AFF3: variants seen among roughly 807,000 people sequenced by gnomAD.
AFF3 encodes the protein AF4/FMR2 family member 3.
AFF3 carries 32 observed loss-of-function variants against 129.7 expected under a neutral mutation model. That is an observed-to-expected ratio of 0.25 (90% CI 0.19 to 0.33). The LOEUF (loss-of-function observed/expected upper bound fraction) is 0.33. Ranked by LOEUF, AFF3 falls within the 10% of genes least tolerant of loss-of-function variation. The probability of loss-of-function intolerance (pLI) is 1.00; values close to 1 mark genes in which losing one functional copy is unlikely to be tolerated. For missense variants in AFF3, 1,373 were observed against 1,592.0 expected (o/e 0.86, Z 2.34); for synonymous variants, 644 against 635.4 (o/e 1.01, Z -0.20).
intron 13 of AFF3, among the ~76,000 whole-genome samples, chr2:99,649,001 A>G (rs1365747656): frequency 2.6e-5 from 4 of 151,928 alleles, no homozygotes; most frequent in African/African-American, 9.7e-5. Flanking sequence ...GGTCTGGTCT[A>G]TTCTAGAAAG....
chr2:100,073,152 C>CATT (rs966006681), intron 4 of AFF3, among the ~76,000 whole-genome samples: 2 of 152,172 alleles, frequency 1.3e-5, no homozygotes, highest in Admixed American at 1.3e-4. Flanking sequence ...TGCTGACATC[C>CATT]TAATCTCCAA....
intron 7 of AFF3, among the ~76,000 whole-genome samples, chr2:99,955,992 T>C (rs555108830): frequency 3.9e-5 from 6 of 152,094 alleles, no homozygotes; most frequent in Non-Finnish European, 7.4e-5. Context: ...AAAATGAACA[T>C]GACTTTAGTA....
chr2:99,582,384 G>GC (rs1677657303), intron 17 of AFF3, among the ~76,000 whole-genome samples: 1 of 152,086 alleles, frequency 6.6e-6, no homozygotes, highest in South Asian at 2.1e-4. Flanking sequence ...TGCGACACTG[G>GC]CCAATAAGGG....
chr2:99,727,248 C>A, intron 10 of AFF3, 120 bp from the exon 11 acceptor site: 2 of 992,158 alleles, frequency 2.0e-6, no homozygotes, highest in Non-Finnish European at 2.9e-6. Flanking sequence ...TAGCAGGAGG[C>A]TTTTAAAACA....
chr2:99,766,703 G>A (rs1683051870), intron 8 of AFF3, among the ~76,000 whole-genome samples: 1 of 152,172 alleles, frequency 6.6e-6, no homozygotes, highest in Non-Finnish European at 1.5e-5. Context: ...GCTTTTATTT[G>A]AAGAAAATAG....
Position 99,849,773 on chromosome 2 carries a change from T to C in AFF3, c.874-12249A>G, listed in dbSNP as rs574928613. Among the ~76,000 whole-genome samples the C allele has an allele frequency of 3.3e-5, 5 of 152,354 alleles. No homozygotes were observed. The South Asian group carries it at 1.0e-3, about 32-fold the overall frequency. ...ACCATTCTCCTCTGGTTTTTAAATATAATGTGTTTAGATTTCTGCAAGATT... is the reference window on the plus strand; with the variant it reads ...ACCATTCTCCTCTGGTTTTTAAATACAATGTGTTTAGATTTCTGCAAGATT... On this transcript the variant is annotated intron_variant, in intron 7 of 24. Transcript: ENST00000672756.
At chr2:99,996,602 G>T (rs373235183) in intron 7 of AFF3, among the ~76,000 whole-genome samples, 1 of 143,750 alleles carries the variant, frequency 7.0e-6, no homozygotes, top group African/African-American at 2.6e-5. Context: ...GGATGGTCTC[G>T]ATCTCCTGAC....
Position 99,947,641 on chromosome 2 carries a change from T to TAGAC in AFF3, c.873+58990_873+58991insGTCT, listed in dbSNP as rs1205022820. On this transcript the variant is annotated intron_variant, in intron 7 of 24. Transcript: ENST00000672756. ...ATAGATAGATAGATAGATAGATAGA[T>TAGAC]AGATAGATAGATAGACAGACAGACA... Among the ~76,000 whole-genome samples the TAGAC allele has an allele frequency of 2.4e-3, 339 of 142,738 alleles. 2 individuals are homozygous for TAGAC. Among genetic ancestry groups the TAGAC allele is most frequent in the Non-Finnish European group, 2.6e-3 (169 of 65,288 alleles). 93.6% of individuals were successfully genotyped at this position (142,738 alleles called of 152,430 possible). A position where few individuals can be genotyped will look rare whatever the true frequency, so the allele number is the denominator to read the frequency against.
chr2:99,742,511 G>A (rs1228301701), intron 10 of AFF3, among the ~76,000 whole-genome samples: 1 of 152,150 alleles, frequency 6.6e-6, no homozygotes, highest in Non-Finnish European at 1.5e-5. Context: ...AAATTGCAGT[G>A]AATATTATAG....
At position 99,984,440 on chromosome 2, in the gene AFF3, T is replaced by C. The variant is rs115524276; in HGVS notation, c.873+22192A>G. Among the ~76,000 whole-genome samples, 1,189 of 152,290 alleles carry C rather than the reference T, an allele frequency of 7.8e-3. 17 individuals are homozygous for C. The highest frequency in any genetic ancestry group is 0.027 in the African/African-American group (1,141 of 41,558). ...GAAACATATTGAGAGGAAATAAATA[T>C]AGTCCCCTTCTGTGGCAGCCTGGAC... On this transcript the variant is annotated intron_variant, in intron 7 of 24. Coordinates refer to ENST00000672756, the MANE Select transcript of AFF3 (RefSeq NM_001386135.1).
chr2:100,086,584 C>T lies in AFF3; in HGVS notation c.53+17818G>A, dbSNP rs566884563. On this transcript the variant is annotated intron_variant, in intron 4 of 24. Coordinates refer to ENST00000672756, the MANE Select transcript of AFF3 (RefSeq NM_001386135.1). ...TAAGAGAACCTAATGGTGAGAAGAACGTATCATGGATCTTTTTGCTGGAAT... is the reference window on the plus strand; with the variant it reads ...TAAGAGAACCTAATGGTGAGAAGAATGTATCATGGATCTTTTTGCTGGAAT... Among the ~76,000 whole-genome samples, 165 of 152,236 alleles carry T rather than the reference C, an allele frequency of 1.1e-3. 1 individual carries two copies. The highest frequency in any genetic ancestry group is 3.7e-3 in the African/African-American group (153 of 41,536).
At chr2:99,958,741 G>A (rs775194390) in intron 7 of AFF3, among the ~76,000 whole-genome samples, 3 of 152,158 alleles carry the variant, frequency 2.0e-5, no homozygotes, top group East Asian at 1.9e-4. Context: ...AAAAGACCAC[G>A]TTTCACTAGA....
intron 11 of AFF3, among the ~76,000 whole-genome samples, chr2:99,684,732 C>T (rs1231595669): frequency 1.3e-5 from 2 of 151,836 alleles, no homozygotes; most frequent in Non-Finnish European, 2.9e-5. Context: ...CCACCTCGGC[C>T]TCCCAAAGTG....
chr2:99,652,991 C>T (rs1461045695), intron 12 of AFF3, among the ~76,000 whole-genome samples: 1 of 152,062 alleles, frequency 6.6e-6, no homozygotes, highest in Non-Finnish European at 1.5e-5. Context: ...TGGGTGCTTC[C>T]CTCTCCCCTC....
At chr2:99,971,646 G>C (rs1678389956) in intron 7 of AFF3, among the ~76,000 whole-genome samples, 1 of 152,144 alleles carries the variant, frequency 6.6e-6, no homozygotes. Context: ...ATGTAGTTTT[G>C]ATCCACTTTG....
At chr2:99,738,431 G>T (rs7588589) in intron 10 of AFF3, among the ~76,000 whole-genome samples, 106 of 150,688 alleles carry the variant, frequency 7.0e-4, no homozygotes, top group African/African-American at 2.5e-3. Context: ...GTGTTCATTT[G>T]TTCTGTAATT....
intron 4 of AFF3, among the ~76,000 whole-genome samples, chr2:100,032,856 C>A (rs899138610): frequency 1.6e-4 from 24 of 151,998 alleles, no homozygotes; most frequent in African/African-American, 5.8e-4. Context: ...TACCTATTTA[C>A]TATAAGTAAT....
chr2:99,770,072 A>G (rs1683346894), intron 8 of AFF3, among the ~76,000 whole-genome samples: 1 of 152,162 alleles, frequency 6.6e-6, no homozygotes, highest in African/African-American at 2.4e-5. Context: ...CTTTCCCTTC[A>G]GGGCAGCGAG....
chr2:99,905,782 A>G, intron 7 of AFF3, among the ~76,000 whole-genome samples: 1 of 152,332 alleles, frequency 6.6e-6, no homozygotes, highest in East Asian at 1.9e-4. Flanking sequence ...TTATTTTAAG[A>G]GTCCTGTCAT....
Sources: allele counts gnomAD v4.1 joint callset (sites outside exome capture counted in the v4.1 genomes callset), GRCh38; gene constraint gnomAD v4.1.1; transcripts MANE v1.5; gene names NCBI Gene and HGNC (gene_info 2026-07-23, HGNC 2026-07-21).